The following MYO16 variants were observed in gnomAD, a reference collection of about 807,000 sequenced individuals.
MYO16 encodes unconventional myosin-XVI.
Under a neutral mutation model 205.3 loss-of-function variants are expected in MYO16, and 94 were observed. That is an observed-to-expected ratio of 0.46 (90% CI 0.39 to 0.54). MYO16 has a LOEUF of 0.54. Ranked by LOEUF, MYO16 falls within the 20% of genes least tolerant of loss-of-function variation. The pLI is 0.00. For missense variants in MYO16, 2,315 were observed against 2,387.5 expected (o/e 0.97, Z 0.63); for synonymous variants, 988 against 954.0 (o/e 1.04, Z -0.66).
At chr13:108,723,030 C>T (rs559711958) in intron 3 of MYO16, among the ~76,000 whole-genome samples, 1 of 152,078 alleles carries the variant, frequency 6.6e-6, no homozygotes, top group East Asian at 1.9e-4. Context: ...TACTCTTCAG[C>T]GACCTCACAC....
intron 2 of MYO16, among the ~76,000 whole-genome samples, chr13:108,706,724 G>A (rs141899926): frequency 8.5e-5 from 13 of 152,306 alleles, no homozygotes; most frequent in African/African-American, 2.9e-4. Flanking sequence ...ATTGGGATTG[G>A]AGAATCTGGG....
intron 9 of MYO16, among the ~76,000 whole-genome samples, chr13:108,834,987 T>C (rs572633584): frequency 5.3e-5 from 8 of 152,224 alleles, no homozygotes; most frequent in Admixed American, 2.0e-4. Flanking sequence ...ATGTAAAATA[T>C]TGTATGCCAT....
intron 6 of MYO16, among the ~76,000 whole-genome samples, chr13:108,798,432 C>T (rs1005971941): frequency 2.0e-5 from 3 of 152,050 alleles, no homozygotes; most frequent in Non-Finnish European, 4.4e-5. Flanking sequence ...AACAAAATAA[C>T]TAAATATAAC....
intron 10 of MYO16, among the ~76,000 whole-genome samples, chr13:108,846,328 T>C (rs538930206): frequency 6.6e-6 from 1 of 152,302 alleles, no homozygotes; most frequent in Admixed American, 6.5e-5. Context: ...TTTACAACAG[T>C]TGAAACTCAA....
At chr13:109,021,081 C>T (rs1416280399) in intron 23 of MYO16, among the ~76,000 whole-genome samples, 2 of 151,844 alleles carry the variant, frequency 1.3e-5, no homozygotes, top group African/African-American at 4.8e-5. Context: ...ATTGAGAGCT[C>T]ACTAATTATA....
intron 16 of MYO16, among the ~76,000 whole-genome samples, chr13:108,951,270 A>G (rs1883139137): frequency 6.6e-6 from 1 of 152,174 alleles, no homozygotes; most frequent in Non-Finnish European, 1.5e-5. Context: ...TTTTAGTTGC[A>G]CTTGGTTTTC....
intron 4 of MYO16, among the ~76,000 whole-genome samples, chr13:108,757,250 C>A (rs1030644096): frequency 6.6e-6 from 1 of 152,160 alleles, no homozygotes; most frequent in Non-Finnish European, 1.5e-5. Context: ...TATTTATTCA[C>A]TTCTGAGCAC....
At chr13:109,205,810 G>A (rs1880576825) in intron 34 of MYO16, among the ~76,000 whole-genome samples, 1 of 152,176 alleles carries the variant, frequency 6.6e-6, no homozygotes, top group Admixed American at 6.5e-5. Flanking sequence ...ACAGTTACAT[G>A]TTTTGATGCT....
chr13:109,063,727 C>A (rs1887659156), intron 27 of MYO16, among the ~76,000 whole-genome samples: 1 of 152,124 alleles, frequency 6.6e-6, no homozygotes, highest in Non-Finnish European at 1.5e-5. Flanking sequence ...CAATAGGCAG[C>A]AAAGTTATAT....
chr13:109,096,966 A>G (rs1888797735), intron 27 of MYO16, among the ~76,000 whole-genome samples: 3 of 152,222 alleles, frequency 2.0e-5, no homozygotes, highest in African/African-American at 7.2e-5. Context: ...AACACATTGT[A>G]CAGTTATATC....
At chr13:108,835,525 A>G (rs1876866940) in intron 9 of MYO16, among the ~76,000 whole-genome samples, 1 of 152,216 alleles carries the variant, frequency 6.6e-6, no homozygotes, top group Non-Finnish European at 1.5e-5. Context: ...AAGATTCCCA[A>G]AAGTGTGTAA....
intron 1 of MYO16, among the ~76,000 whole-genome samples, chr13:108,604,422 C>T (rs1022691168): frequency 2.6e-5 from 4 of 152,044 alleles, no homozygotes; most frequent in Non-Finnish European, 5.9e-5. Context: ...GTAGTAACAC[C>T]AAGGAAATGA....
At chr13:109,019,611 A>G in intron 22 of MYO16, 100 bp from the exon 23 acceptor site, 2 of 893,456 alleles carry the variant, frequency 2.2e-6, no homozygotes, top group South Asian at 1.7e-5. Context: ...GAGTGTCTAT[A>G]TGAATCTAAC....
the MYO16 span, among the ~76,000 whole-genome samples, chr13:108,563,748 G>C: frequency 6.6e-6 from 1 of 152,146 alleles, no homozygotes; most frequent in Non-Finnish European, 1.5e-5. Context: ...TCTGTTGATG[G>C]ACACTTAGGT....
intron 1 of MYO16, among the ~76,000 whole-genome samples, chr13:108,607,463 G>A (rs1469097970): frequency 6.6e-6 from 1 of 152,042 alleles, no homozygotes; most frequent in Non-Finnish European, 1.5e-5. Context: ...ATTTTATAAG[G>A]GGCTTTTCCT....
intron 3 of MYO16, among the ~76,000 whole-genome samples, chr13:108,724,658 T>G (rs1884279866): frequency 6.6e-6 from 1 of 152,174 alleles, no homozygotes; most frequent in South Asian, 2.1e-4. Flanking sequence ...TGCATGTTAT[T>G]TTGGTGGTTG....
intron 6 of MYO16, among the ~76,000 whole-genome samples, chr13:108,803,261 G>T (rs1267571543): frequency 1.3e-5 from 2 of 152,114 alleles, no homozygotes; most frequent in African/African-American, 2.4e-5. Flanking sequence ...AATTGATCCA[G>T]CTGAGAACCA....
chr13:109,095,666 T>C (rs1888753988), intron 27 of MYO16, among the ~76,000 whole-genome samples: 1 of 152,248 alleles, frequency 6.6e-6, no homozygotes, highest in Admixed American at 6.5e-5. Flanking sequence ...GCTCGAATTA[T>C]ATCAATTAAA....
chr13:108,812,000 C>T (rs773797591), intron 7 of MYO16, among the ~76,000 whole-genome samples: 3 of 152,154 alleles, frequency 2.0e-5, no homozygotes, highest in Admixed American at 6.5e-5. Flanking sequence ...GCTTAGGTCT[C>T]GTGTTTTATT....
Sources: gnomAD v4.1 joint callset for allele counts (sites outside exome capture counted in the v4.1 genomes callset) on GRCh38, gnomAD v4.1.1 for gene constraint, MANE v1.5 for transcripts, NCBI Gene and HGNC (gene_info 2026-07-23, HGNC 2026-07-21) for gene names.